The following CAPN15 variants were observed in gnomAD, a reference collection of about 807,000 sequenced individuals.
CAPN15 encodes calpain-15.
Under a neutral mutation model 97.9 loss-of-function variants are expected in CAPN15, and 53 were observed. The ratio of observed to expected loss-of-function variants is 0.54; its 90% CI spans 0.43 to 0.68. CAPN15 has a LOEUF of 0.68. CAPN15 is among the 30% of genes least tolerant of loss of function. The pLI is 0.00. For synonymous variants in CAPN15, 922 were observed against 722.5 expected (o/e 1.28, Z -4.43); for missense variants, 1,592 against 1,589.8 (o/e 1.00, Z -0.02).
Position 548,269 on chromosome 16 carries a change from C to T in CAPN15, c.1431C>T (p.Ile477=), listed in dbSNP as rs746946764. Residue 477 remains isoleucine (I), a synonymous_variant, in exon 4 of 14, where the codon ATC becomes ATT. Coordinates refer to ENST00000219611, the MANE Select transcript of CAPN15 (RefSeq NM_005632.3). ...EGEAKALWEN[I]VAFCRENNVS... ...AGGCCAAGGCACTCTGGGAGAACAT[C>T]GTGGCCTTCTGCCGGGAGGTGAGGC... 5.3e-6 allele frequency: 8 copies of T among 1,522,076 alleles called. No individual in the cohort carries two copies. In the African/African-American group the frequency reaches 7.1e-5, roughly 13 times the overall value. The allele number at this position is 1,522,076 out of a possible 1,614,324, so 94.3% of individuals were successfully genotyped here. A position where few individuals can be genotyped will look rare whatever the true frequency, so the allele number is the denominator to read the frequency against.
rs139800712 is a variant in CAPN15, at chr16:533,928, A to G, written c.-189-18A>G. 630 of 984,828 alleles carry G rather than the reference A, an allele frequency of 6.4e-4. No homozygotes were observed. The highest frequency in any genetic ancestry group is 7.4e-4 in the Non-Finnish European group (610 of 829,420). The allele number at this position is 984,828 out of a possible 1,614,324, so 61.0% of individuals were successfully genotyped here. ...CTGGTGGAAGCTGAGGTGCCTGATT[A>G]AATGCCTCCCTTTCTAGGCAGCAGC... On this transcript the variant is annotated intron_variant, in intron 1 of 13. Transcript: ENST00000219611.
In CAPN15 at chr16:537,649, T is replaced by C. The variant is rs112713095; in HGVS notation, c.-23+1507T>C. 2.3e-3 allele frequency: 376 copies of C among 164,842 alleles called. 2 individuals are homozygous for C. The highest frequency in any genetic ancestry group is 8.3e-3 in the African/African-American group (348 of 41,728). 10.2% of individuals were successfully genotyped at this position (164,842 alleles called of 1,614,324 possible). A position where few individuals can be genotyped will look rare whatever the true frequency, so the allele number is the denominator to read the frequency against. ...TCAGGGTTTGGCTACAGAAGGGGAG[T>C]GTCGGAAATGCCCAACCCGTCTCCC... On this transcript the variant is annotated intron_variant, in intron 3 of 13. Transcript: ENST00000219611.
rs756298693 is a variant in CAPN15, at chr16:547,069, T to C, written c.231T>C (p.Ala77=). 1.2e-6 allele frequency: 2 copies of C among 1,600,356 alleles called. No individual in the cohort carries two copies. The highest frequency in any genetic ancestry group is 2.3e-5 in the East Asian group (1 of 44,436). ...CGFTPEPAPG[A]AFLPVLNGVL... ...TCACCCCGGAGCCTGCGCCTGGGGCTGCCTTCCTGCCAGTCCTCAACGGGG... is the reference window on the plus strand; with the variant it reads ...TCACCCCGGAGCCTGCGCCTGGGGCCGCCTTCCTGCCAGTCCTCAACGGGG... The change falls in exon 4 of 14, where the codon GCT becomes GCC. Residue 77 remains alanine, a synonymous_variant. Coordinates refer to ENST00000219611, the MANE Select transcript of CAPN15 (RefSeq NM_005632.3).
In CAPN15 at chr16:554,471, C is replaced by CCTGTA; in HGVS notation, c.*958_*962dup. 2 of 454,568 alleles carry CCTGTA rather than the reference C, an allele frequency of 4.4e-6. No individual in the cohort carries two copies. The highest frequency in any genetic ancestry group is 8.8e-6 in the Non-Finnish European group (2 of 226,662). 28.2% of individuals were successfully genotyped at this position (454,568 alleles called of 1,614,324 possible). ...AACATTCCCACTCCCCTTTGGCCTC[C>CCTGTA]CTGTACTCTGAGCTGTGAATATTTT... On this transcript the variant is annotated 3_prime_UTR_variant, in exon 14 of 14. Coordinates refer to ENST00000219611, the MANE Select transcript of CAPN15 (RefSeq NM_005632.3).
chr16:551,488 G>C, intron 8 of CAPN15, 24 bp from the exon 9 acceptor site: 1 of 1,603,970 alleles, frequency 6.2e-7, no homozygotes, highest in Non-Finnish European at 8.5e-7. Flanking sequence ...GTGTGGTTCA[G>C]ATCCTCACCC....
At chr16:548,335 G>C (rs554713426) in intron 4 of CAPN15, 48 bp downstream of exon 4, 2 of 1,424,340 alleles carry the variant, frequency 1.4e-6, no homozygotes, top group Non-Finnish European at 1.8e-6. Context: ...TCCTGCTCCC[G>C]CCCTCCCCTT....
chr16:553,300 C>T, intron 13 of CAPN15, 39 bp from the exon 14 acceptor site: 1 of 1,512,572 alleles, frequency 6.6e-7, no homozygotes, highest in Non-Finnish European at 9.1e-7. Flanking sequence ...CCCATCCCCA[C>T]CCTGCCCTCC....
rs768148367 is a variant in CAPN15, at chr16:547,356, C to T, written c.518C>T (p.Ser173Leu). The T allele has an allele frequency of 1.0e-5, 16 of 1,547,070 alleles. No individual in the cohort carries two copies. Among genetic ancestry groups the T allele is most frequent in the African/African-American group, 1.4e-5 (1 of 73,392 alleles). Residue 173 changes from serine to leucine, a missense_variant, in exon 4 of 14, where the codon TCG becomes TTG. Ser to Leu is a moderately radical substitution (Grantham distance 145). Around this residue, in one of 3 missense-constraint regions of CAPN15, gnomAD observed 883 missense variants for 776.6 expected, o/e 1.14. Transcript: ENST00000219611. ...CSVCGGPRRL[S>L]LPRIPPEALV... ...GTCTGCGGGGGCCCACGCAGGCTCT[C>T]GCTGCCACGGATCCCTCCTGAGGCC...
At chr16:528,818 A>AAG (rs1475677992) in intron 1 of CAPN15, 1 of 945,306 alleles carries the variant, frequency 1.1e-6, no homozygotes, top group Non-Finnish European at 1.3e-6. Context: ...TTGGGTGCTG[A>AAG]AGAGTTGTGT....
In CAPN15 at chr16:553,841, C is replaced by T. The variant is rs904148907; in HGVS notation, c.*325C>T. 53 of 276,992 alleles carry T rather than the reference C, an allele frequency of 1.9e-4. No homozygotes were observed. Among genetic ancestry groups the T allele is most frequent in the Non-Finnish European group, 9.5e-5 (14 of 147,142 alleles). 17.2% of individuals were successfully genotyped at this position (276,992 alleles called of 1,614,324 possible). A position where few individuals can be genotyped will look rare whatever the true frequency, so the allele number is the denominator to read the frequency against. On this transcript the variant is annotated 3_prime_UTR_variant, in exon 14 of 14. Transcript: ENST00000219611. ...GCCCCTCCCTGTGGGCTCAGGGTCTCCTGCGGGCTAGGCAGCCAGGAGCTC... is the reference window on the plus strand; with the variant it reads ...GCCCCTCCCTGTGGGCTCAGGGTCTTCTGCGGGCTAGGCAGCCAGGAGCTC...
chr16:530,086 C>T (rs564183542), intron 1 of CAPN15, among the ~76,000 whole-genome samples: 1 of 152,330 alleles, frequency 6.6e-6, no homozygotes, highest in South Asian at 2.1e-4. Context: ...TGGGTTTTCT[C>T]ACCACCAGGC....
chr16:553,213 C>A, intron 13 of CAPN15, 126 bp from the exon 14 acceptor site: 1 of 491,284 alleles, frequency 2.0e-6, no homozygotes, highest in Non-Finnish European at 3.7e-6. Flanking sequence ...GTGCTCATAC[C>A]CCTGCCCCCA....
chr16:539,732 A>G (rs540785437), intron 3 of CAPN15: 6 of 152,518 alleles, frequency 3.9e-5, no homozygotes, highest in African/African-American at 1.4e-4. Flanking sequence ...GGCCTGCAGC[A>G]GCTCCCTACG....
At position 535,286 on chromosome 16, in the gene CAPN15, C is replaced by T. The variant is rs1465103677; in HGVS notation, c.-136-743C>T. ...CCAGCACCAGAGACCCCCAGCAGAC[C>T]TCAGTGGCCGCAGATGGAGCGGGGC... is the stretch of plus-strand genomic sequence containing the variant. On this transcript the variant is annotated intron_variant, in intron 2 of 13. Coordinates refer to ENST00000219611, the MANE Select transcript of CAPN15 (RefSeq NM_005632.3). The surrounding 1 kb of genome is among the most constrained non-coding windows in gnomAD (Gnocchi z 6.2). The T allele has an allele frequency of 6.5e-6, 1 of 154,226 alleles. No homozygotes were observed. The highest frequency in any genetic ancestry group is 2.4e-5 in the African/African-American group (1 of 41,498). The allele number at this position is 154,226 out of a possible 1,614,324, so 9.6% of individuals were successfully genotyped here.
At position 552,520 on chromosome 16, in the gene CAPN15, T is replaced by G; in HGVS notation, c.2727T>G (p.Pro909=). 1 of 1,601,686 alleles carries G rather than the reference T, an allele frequency of 6.2e-7. No individual in the cohort carries two copies. The highest frequency in any genetic ancestry group is 1.3e-5 in the African/African-American group (1 of 74,874). The change falls in exon 11 of 14, where the codon CCT becomes CCG. Residue 909 remains proline (P), a synonymous_variant. Coordinates refer to ENST00000219611, the MANE Select transcript of CAPN15 (RefSeq NM_005632.3). The surrounding 1 kb of genome is among the most constrained non-coding windows in gnomAD (Gnocchi z 6.4). ...NHWGPPLPGT[P]APQASSPSAG... is the part of the protein sequence containing the mutation. The stretch of plus-strand genomic sequence containing the variant: ...GGGGGCCGCCCCTGCCGGGCACCCC[T>G]GCCCCCCAGGGTACGTGGCCCCTAC...
rs2034721950 is a variant in CAPN15 at position 548,013 on chromosome 16, GCGGCAGAAGCT to G, written c.1176_1186del (p.Cys392TrpfsTer96). On this transcript the variant is annotated frameshift_variant, in exon 4 of 14. Transcript: ENST00000219611. LOFTEE classifies it high-confidence loss of function. ...TGTGGGGCCGACAAGCCCAGCCCCTGCGGCAGAAGCTGCGGACGGGTGTCCTCGGCCCAGAA... is the reference window on the plus strand; with the variant it reads ...TGTGGGGCCGACAAGCCCAGCCCCTGGCGGACGGGTGTCCTCGGCCCAGAA... 1 of 1,575,146 alleles carries G rather than the reference GCGGCAGAAGCT, an allele frequency of 6.3e-7. No individual in the cohort carries two copies. Among genetic ancestry groups the G allele is most frequent in the African/African-American group, 1.4e-5 (1 of 73,840 alleles).
rs573305189 is a variant in CAPN15, at chr16:535,024, G to A, written c.-136-1005G>A. ...TAGCGAGACAGTGAGGAGTGTATGC[G>A]GAGTGGACACAGCTGTGGGTGCCGC... On this transcript the variant is annotated intron_variant, in intron 2 of 13. Coordinates refer to ENST00000219611, the MANE Select transcript of CAPN15 (RefSeq NM_005632.3). This position sits in a 1 kb window ranked among gnomAD's most constrained non-coding sequence, Gnocchi z 6.2. Among the ~76,000 whole-genome samples the A allele has an allele frequency of 1.1e-4, 17 of 152,246 alleles. No homozygotes were observed. Among genetic ancestry groups the A allele is most frequent in the South Asian group, 4.1e-4 (2 of 4,820 alleles).
chr16:543,805 C>A (rs553758669), intron 3 of CAPN15, among the ~76,000 whole-genome samples: 1 of 152,170 alleles, frequency 6.6e-6, no homozygotes, highest in Admixed American at 6.5e-5. Context: ...AGGGTCAGCG[C>A]GACAGCCCTG....
At position 533,813 on chromosome 16, in the gene CAPN15, C is replaced by T. The variant is rs150632823; in HGVS notation, c.-189-133C>T. On this transcript the variant is annotated intron_variant, in intron 1 of 13. Coordinates refer to ENST00000219611, the MANE Select transcript of CAPN15 (RefSeq NM_005632.3). ...ACAGAAGCTCGGACAGCTTCTAAGGCGAAGGGTCTCCCGGGGCTGATTTCC... is the reference window on the plus strand; with the variant it reads ...ACAGAAGCTCGGACAGCTTCTAAGGTGAAGGGTCTCCCGGGGCTGATTTCC... 3.8e-3 allele frequency: 963 copies of T among 254,018 alleles called. 30 individuals carry two copies. The Admixed American group carries it at 0.041, about 11-fold the overall frequency. The allele number at this position is 254,018 out of a possible 1,614,324, so 15.7% of individuals were successfully genotyped here.
Sources: allele counts gnomAD v4.1 joint callset (sites outside exome capture counted in the v4.1 genomes callset), GRCh38; gene constraint gnomAD v4.1.1; regional missense constraint gnomAD v4.1.1; non-coding constraint Gnocchi (gnomAD v3.1); transcripts MANE v1.5; gene names NCBI Gene and HGNC (gene_info 2026-07-23, HGNC 2026-07-21).